NDST4: variants seen among roughly 807,000 people sequenced by gnomAD.
NDST4 encodes N-deacetylase and N-sulfotransferase 4.
A neutral mutation model predicts 100.8 loss-of-function variants in NDST4; 63 were observed. The ratio of observed to expected loss-of-function variants is 0.62; its 90% CI spans 0.51 to 0.77. The LOEUF (loss-of-function observed/expected upper bound fraction) is 0.77, where lower values mean the gene tolerates loss of function less well. Among genes scored for constraint, NDST4 ranks in the 30% least tolerant of loss-of-function variants. NDST4 has a pLI of 0.00. For synonymous variants in NDST4, 377 were observed against 361.8 expected (o/e 1.04, Z -0.48); for missense variants, 943 against 1,018.4 (o/e 0.93, Z 1.01).
At chr4:114,854,875 G>C (rs1357136231) in intron 7 of NDST4, among the ~76,000 whole-genome samples, 1 of 152,118 alleles carries the variant, frequency 6.6e-6, no homozygotes, top group Non-Finnish European at 1.5e-5. Context: ...CATAGTGGTT[G>C]TACTAATTTA....
chr4:115,095,202 C>G (rs1022917149), intron 1 of NDST4, among the ~76,000 whole-genome samples: 1 of 152,072 alleles, frequency 6.6e-6, no homozygotes, highest in Non-Finnish European at 1.5e-5. Flanking sequence ...TATCCCCGGC[C>G]ATATCAGTTA....
At chr4:115,107,227 C>T (rs1729850213) in intron 1 of NDST4, among the ~76,000 whole-genome samples, 1 of 151,972 alleles carries the variant, frequency 6.6e-6, no homozygotes, top group African/African-American at 2.4e-5. Context: ...ATTTAAAAAC[C>T]AGTAATTTGA....
chr4:114,887,748 T>C (rs1030292096), intron 6 of NDST4, among the ~76,000 whole-genome samples: 3 of 152,166 alleles, frequency 2.0e-5, no homozygotes, highest in African/African-American at 7.2e-5. Flanking sequence ...TAGAGTTTGC[T>C]TTCCCCATGC....
intron 2 of NDST4, among the ~76,000 whole-genome samples, chr4:115,008,256 G>T (rs1296734954): frequency 1.5e-5 from 2 of 129,234 alleles, no homozygotes; most frequent in Non-Finnish European, 3.3e-5. Flanking sequence ...TATGATGTTA[G>T]CTGGTTATTT....
intron 1 of NDST4, among the ~76,000 whole-genome samples, chr4:115,092,800 A>C (rs887467873): frequency 1.3e-5 from 2 of 152,200 alleles, no homozygotes; most frequent in African/African-American, 4.8e-5. Context: ...AAAATTTAGT[A>C]GAAACCTACA....
intron 6 of NDST4, among the ~76,000 whole-genome samples, chr4:114,892,929 G>T (rs906586726): frequency 9.2e-5 from 14 of 151,906 alleles, no homozygotes; most frequent in African/African-American, 3.1e-4. Flanking sequence ...GGTGTGTATT[G>T]TTCCCCTCTC....
At chr4:114,916,673 T>G (rs1235426905) in intron 6 of NDST4, among the ~76,000 whole-genome samples, 8 of 150,974 alleles carry the variant, frequency 5.3e-5, no homozygotes, top group African/African-American at 1.9e-4. Flanking sequence ...CTAAGCATCT[T>G]TCTATTTTTT....
At chr4:114,953,928 T>C (rs1419735328) in intron 4 of NDST4, among the ~76,000 whole-genome samples, 6 of 152,304 alleles carry the variant, frequency 3.9e-5, no homozygotes, top group African/African-American at 1.4e-4. Context: ...AAGTGTTCTA[T>C]ATGCAGTAAC....
In NDST4 at chr4:115,077,115, C is replaced by G. The variant is rs546096490; in HGVS notation, c.-79G>C. 325 of 1,285,398 alleles carry G rather than the reference C, an allele frequency of 2.5e-4. 1 individual carries two copies. The Middle Eastern group carries it at 3.0e-3, about 12-fold the overall frequency. 79.6% of individuals were successfully genotyped at this position (1,285,398 alleles called of 1,614,324 possible). A position where few individuals can be genotyped will look rare whatever the true frequency, so the allele number is the denominator to read the frequency against. On this transcript the variant is annotated 5_prime_UTR_variant, in exon 2 of 14. Transcript: ENST00000264363. ...ATAGTGAATAAAGTATGAGATGTTG[C>G]AAATATCACTTCCCCAGAGTTCATG...
At position 115,061,748 on chromosome 4, in the gene NDST4, C is replaced by T. The variant is rs567402404; in HGVS notation, c.978+14311G>A. Reference sequence around the variant, plus strand: ...GGCACATGTATAGCTGTGTAACAAACCTGTACATTCTGCACATGTATCCCA... The same window carrying T: ...GGCACATGTATAGCTGTGTAACAAATCTGTACATTCTGCACATGTATCCCA... On this transcript the variant is annotated intron_variant, in intron 2 of 13. Transcript: ENST00000264363. 1.1e-4 allele frequency among the ~76,000 whole-genome samples: 16 copies of T among 152,090 alleles called. No homozygotes were observed. The South Asian group carries it at 2.9e-3, about 28-fold the overall frequency.
chr4:115,099,225 TAGAAGATCATATAGG>T (rs1278804879), intron 1 of NDST4, among the ~76,000 whole-genome samples: 1 of 152,160 alleles, frequency 6.6e-6, no homozygotes, highest in Non-Finnish European at 1.5e-5. Flanking sequence ...ATAAGACTCT[TAGAAGATCATATAGG>T]AGAAGATCTA....
chr4:115,024,891 A>T (rs1727947173), intron 2 of NDST4, among the ~76,000 whole-genome samples: 3 of 152,186 alleles, frequency 2.0e-5, no homozygotes, highest in Admixed American at 2.0e-4. Context: ...TTTTTCTCTC[A>T]TGAATGGATT....
intron 7 of NDST4, among the ~76,000 whole-genome samples, chr4:114,857,984 G>A (rs1403799498): frequency 1.3e-5 from 2 of 152,162 alleles, no homozygotes; most frequent in Non-Finnish European, 2.9e-5. Context: ...GTATGATTCA[G>A]CCAGGTTACA....
Position 114,829,824 on chromosome 4 carries a change from C to T in NDST4, c.2465G>A (p.Ser822Asn). The change falls in exon 13 of 14, where the codon AGC becomes AAC. Residue 822 changes from serine to asparagine, a missense_variant. Coordinates refer to ENST00000264363, the MANE Select transcript of NDST4 (RefSeq NM_022569.3). ...EGGKTKCLGK[S>N]KGRKYPPMDP... Reference sequence around the variant, plus strand: ...CATAGGTGGATATTTTCGGCCTTTGCTTTTTCCAAGGCATTTTGTCTTTCC... The same window carrying T: ...CATAGGTGGATATTTTCGGCCTTTGTTTTTTCCAAGGCATTTTGTCTTTCC... 6.2e-7 allele frequency: 1 copy of T among 1,611,650 alleles called. No homozygotes were observed.
intron 6 of NDST4, among the ~76,000 whole-genome samples, chr4:114,896,161 T>A (rs780526492): frequency 6.6e-6 from 1 of 152,224 alleles, no homozygotes; most frequent in Admixed American, 6.5e-5. Context: ...TTGACAATTA[T>A]GAACATCAGT....
intron 6 of NDST4, among the ~76,000 whole-genome samples, chr4:114,901,798 C>T (rs1161079772): frequency 1.3e-5 from 2 of 151,388 alleles, no homozygotes; most frequent in African/African-American, 4.8e-5. Context: ...TTTCCTCCCC[C>T]TTCCACTCCT....
intron 2 of NDST4, among the ~76,000 whole-genome samples, chr4:115,002,683 A>T (rs1413835257): frequency 6.6e-6 from 1 of 152,132 alleles, no homozygotes; most frequent in African/African-American, 2.4e-5. Flanking sequence ...TTTCTCAAGG[A>T]TCTAGAAACA....
At chr4:114,968,039 G>A (rs771278814) in intron 4 of NDST4, among the ~76,000 whole-genome samples, 4 of 152,124 alleles carry the variant, frequency 2.6e-5, no homozygotes, top group Non-Finnish European at 5.9e-5. Context: ...TGGAAGGTGA[G>A]GATTCAAACA....
chr4:115,001,298 A>T (rs1727284419), intron 2 of NDST4, among the ~76,000 whole-genome samples: 1 of 152,010 alleles, frequency 6.6e-6, no homozygotes, highest in Non-Finnish European at 1.5e-5. Context: ...CAGTCAAACT[A>T]GGCTAGCAAG....
Sources: allele counts gnomAD v4.1 joint callset (sites outside exome capture counted in the v4.1 genomes callset), GRCh38; gene constraint gnomAD v4.1.1; transcripts MANE v1.5; gene names NCBI Gene and HGNC (gene_info 2026-07-23, HGNC 2026-07-21).